PLXNA4: variants seen among roughly 807,000 people sequenced by gnomAD.
The protein encoded by PLXNA4 is plexin A4.
Under a neutral mutation model 191.8 loss-of-function variants are expected in PLXNA4, and 44 were observed. That is an observed-to-expected ratio of 0.23 (90% confidence interval 0.18 to 0.29). The LOEUF (loss-of-function observed/expected upper bound fraction) is 0.29. Ranked by LOEUF, PLXNA4 falls within the 10% of genes least tolerant of loss-of-function variation. The pLI is 1.00. For missense variants in PLXNA4, 1,800 were observed against 2,488.8 expected (o/e 0.72, Z 5.89); for synonymous variants, 1,082 against 1,009.5 (o/e 1.07, Z -1.36).
chr7:132,167,330 G>A (rs1417931256), intron 22 of PLXNA4, among the ~76,000 whole-genome samples: 2 of 152,154 alleles, frequency 1.3e-5, no homozygotes, highest in African/African-American at 2.4e-5. Context: ...AGGGTGTTGA[G>A]TGGTGGACTC....
At chr7:132,561,763 TCTC>T (rs1801115944) in intron 1 of PLXNA4, among the ~76,000 whole-genome samples, 1 of 64,508 alleles carries the variant, frequency 1.6e-5, no homozygotes, top group African/African-American at 6.5e-5. Context: ...TCCTCCTCCT[TCTC>T]CTCCTTCTCC....
intron 1 of PLXNA4, among the ~76,000 whole-genome samples, chr7:132,549,771 GTTGT>G (rs10591448): frequency 0.95 from 144,713 of 151,678 alleles, 69,299 homozygotes; most frequent in East Asian, 1. Flanking sequence ...CTTGGGGTGA[GTTGT>G]TTGTTTGTTT....
At chr7:132,240,694 C>T (rs1484924749) in intron 5 of PLXNA4, among the ~76,000 whole-genome samples, 2 of 152,152 alleles carry the variant, frequency 1.3e-5, no homozygotes, top group South Asian at 2.1e-4. Flanking sequence ...AGATCCAATG[C>T]CTTTTTCCTG....
At chr7:132,291,352 C>T (rs183449915) in intron 4 of PLXNA4, among the ~76,000 whole-genome samples, 2 of 152,304 alleles carry the variant, frequency 1.3e-5, no homozygotes, top group East Asian at 3.9e-4. Context: ...TCTCCTGAGT[C>T]GGTTTAATTT....
chr7:132,503,232 C>A (rs1781767300), intron 2 of PLXNA4, among the ~76,000 whole-genome samples: 1 of 152,174 alleles, frequency 6.6e-6, no homozygotes, highest in East Asian at 1.9e-4. Flanking sequence ...TGTGTGGGCT[C>A]CTGGAGACAG....
At chr7:132,484,629 A>G (rs1232441189) in intron 3 of PLXNA4, 7 of 1,009,220 alleles carry the variant, frequency 6.9e-6, no homozygotes, top group Admixed American at 5.7e-5. Context: ...ATAGCACAAC[A>G]GAACTACCTG....
In PLXNA4 at chr7:132,225,726, C is replaced by T. The variant is rs537051281; in HGVS notation, c.1982+435G>A. On this transcript the variant is annotated intron_variant, in intron 8 of 31. Transcript: ENST00000321063. ...GCAATTGAGTGGTTAGACCACTTGC[C>T]CCAATCCTGGACACACACTGGGGCT... is the stretch of plus-strand genomic sequence containing the variant. Among the ~76,000 whole-genome samples, 388 of 152,238 alleles carry T rather than the reference C, an allele frequency of 2.5e-3. 7 individuals carry two copies. The highest frequency in any genetic ancestry group is 8.9e-3 in the African/African-American group (371 of 41,546).
intron 2 of PLXNA4, among the ~76,000 whole-genome samples, chr7:132,626,174 T>C (rs1803368405): frequency 6.6e-6 from 1 of 152,168 alleles, no homozygotes; most frequent in South Asian, 2.1e-4. Context: ...CTTTACCTTC[T>C]AAGTACCTCT....
chr7:132,257,238 G>A lies in PLXNA4; in HGVS notation c.1504-16072C>T, dbSNP rs935685341. Among the ~76,000 whole-genome samples the A allele has an allele frequency of 2.6e-5, 4 of 152,190 alleles. No individual in the cohort carries two copies. The East Asian group carries it at 5.8e-4, about 22-fold the overall frequency. On this transcript the variant is annotated intron_variant, in intron 4 of 31. Transcript: ENST00000321063. ...CTGCAGCTGCCTAATTGGTTGCAGA[G>A]GCAAGTTGTCCCAAACATCATGGAC... is the stretch of plus-strand genomic sequence containing the variant.
chr7:132,559,123 C>T (rs537992358), intron 1 of PLXNA4, among the ~76,000 whole-genome samples: 3 of 152,226 alleles, frequency 2.0e-5, no homozygotes, highest in South Asian at 2.1e-4. Context: ...CAATGTGCCA[C>T]CAGATAAACT....
At position 132,172,629 on chromosome 7, in the gene PLXNA4, G is replaced by A. The variant is rs146148815; in HGVS notation, c.4017+2149C>T. 3.1e-4 allele frequency among the ~76,000 whole-genome samples: 47 copies of A among 152,254 alleles called. 1 individual carries two copies. Among genetic ancestry groups the A allele is most frequent in the South Asian group, 1.2e-3 (6 of 4,820 alleles). ...AACAGTGATCCACACACAATCCCTC[G>A]ATTTCACATAGAAGGCTGGATCTCA... On this transcript the variant is annotated intron_variant, in intron 21 of 31. Transcript: ENST00000321063.
intron 2 of PLXNA4, among the ~76,000 whole-genome samples, chr7:132,632,949 T>A (rs1803521708): frequency 2.6e-5 from 4 of 152,108 alleles, no homozygotes; most frequent in African/African-American, 7.2e-5. Flanking sequence ...GCTGAGTCTC[T>A]AGGCTGACAT....
chr7:132,619,116 A>G (rs1413238162), intron 2 of PLXNA4, among the ~76,000 whole-genome samples: 1 of 152,226 alleles, frequency 6.6e-6, no homozygotes, highest in South Asian at 2.1e-4. Context: ...GTAAATCCCA[A>G]AAAACCTTCT....
At chr7:132,403,232 A>G (rs898827184) in intron 3 of PLXNA4, among the ~76,000 whole-genome samples, 1 of 152,258 alleles carries the variant, frequency 6.6e-6, no homozygotes, top group African/African-American at 2.4e-5. Flanking sequence ...CAAAAGCAGC[A>G]GGGAAGGGCA....
intron 10 of PLXNA4, among the ~76,000 whole-genome samples, chr7:132,209,559 G>C (rs994688825): frequency 6.6e-6 from 1 of 152,086 alleles, no homozygotes; most frequent in African/African-American, 2.4e-5. Flanking sequence ...AGGGGGATGG[G>C]CACACAGGAT....
At chr7:132,292,912 C>A (rs952526863) in intron 4 of PLXNA4, among the ~76,000 whole-genome samples, 7 of 152,154 alleles carry the variant, frequency 4.6e-5, no homozygotes, top group Non-Finnish European at 7.3e-5. Flanking sequence ...GAGGGACCAG[C>A]CACAGGAAAA....
chr7:132,241,333 G>A (rs1235855783), intron 4 of PLXNA4, among the ~76,000 whole-genome samples, 167 bp from the exon 5 acceptor site: 1 of 152,200 alleles, frequency 6.6e-6, no homozygotes, highest in Non-Finnish European at 1.5e-5. Flanking sequence ...TTATGTTTGA[G>A]TAGGTGGCCA....
intron 3 of PLXNA4, among the ~76,000 whole-genome samples, chr7:132,411,028 G>C (rs1794438318): frequency 6.6e-6 from 1 of 152,230 alleles, no homozygotes. Context: ...TGATCCGGCT[G>C]TCATGGAATA....
intron 2 of PLXNA4, among the ~76,000 whole-genome samples, chr7:132,641,664 T>C (rs187944422): frequency 5.3e-4 from 80 of 152,242 alleles, no homozygotes; most frequent in Non-Finnish European, 2.5e-4. Flanking sequence ...CTTTGCTTGC[T>C]AGCATCAAAT....
Sources: gnomAD v4.1 joint callset for allele counts (sites outside exome capture counted in the v4.1 genomes callset) on GRCh38, gnomAD v4.1.1 for gene constraint, MANE v1.5 for transcripts, NCBI Gene and HGNC (gene_info 2026-07-23, HGNC 2026-07-21) for gene names.